Variants in AKR1D1 observed in about 807,000 individuals in gnomAD.
AKR1D1 encodes the protein delta(4)-3-ketosteroid 5-beta-reductase.
Under a neutral mutation model 42.6 loss-of-function variants are expected in AKR1D1, and 32 were observed. That is an observed-to-expected ratio of 0.75 (90% CI 0.57 to 1.01). AKR1D1 has a LOEUF of 1.01. Ranked by LOEUF, AKR1D1 falls within the 50% of genes least tolerant of loss-of-function variation. The probability of loss-of-function intolerance (pLI) is 0.00; values close to 1 mark genes in which losing one functional copy is unlikely to be tolerated. For synonymous variants in AKR1D1, 123 were observed against 135.5 expected (o/e 0.91, Z 0.64); for missense variants, 364 against 402.2 (o/e 0.91, Z 0.81).
At chr7:138,105,879 C>A (rs1794414181) in intron 5 of AKR1D1, among the ~76,000 whole-genome samples, 1 of 150,760 alleles carries the variant, frequency 6.6e-6, no homozygotes, top group Non-Finnish European at 1.5e-5. Flanking sequence ...AGTGTGACTT[C>A]GTCTAACAAC....
intron 7 of AKR1D1, among the ~76,000 whole-genome samples, chr7:138,112,001 C>T (rs1317884461): frequency 2.0e-5 from 3 of 151,942 alleles, no homozygotes; most frequent in African/African-American, 7.3e-5. Flanking sequence ...TCAAGTCACA[C>T]TCTTTTGACA....
At chr7:138,091,334 C>T in intron 2 of AKR1D1, 1 of 237,370 alleles carries the variant, frequency 4.2e-6, no homozygotes, top group South Asian at 5.8e-5. Flanking sequence ...AAGCTGCACT[C>T]TCAGTGGAAG....
rs1872929 is a variant in AKR1D1, at chr7:138,116,667, A to C, written c.*5A>C. The C allele has an allele frequency of 0.79, 1,274,975 of 1,613,284 alleles. 505,334 individuals carry two copies. The highest frequency in any genetic ancestry group is 0.88 in the African/African-American group (65,819 of 74,972). ...CCATTTCATGATGAATACTGACTGCAGGGAGTTCCTGAACAGATTTTTCAC... is the reference window on the plus strand; with the variant it reads ...CCATTTCATGATGAATACTGACTGCCGGGAGTTCCTGAACAGATTTTTCAC... On this transcript the variant is annotated 3_prime_UTR_variant, in exon 9 of 9. Coordinates refer to ENST00000242375, the MANE Select transcript of AKR1D1 (RefSeq NM_005989.4).
chr7:138,109,217 A>G (rs1011378824), intron 7 of AKR1D1, among the ~76,000 whole-genome samples: 1 of 152,242 alleles, frequency 6.6e-6, no homozygotes, highest in Non-Finnish European at 1.5e-5. Context: ...CTTTTTTGCT[A>G]CATGATAGAA....
rs950004598 is a variant in AKR1D1 at position 138,107,736 on chromosome 7, T to C, written c.855+156T>C. 2.0e-5 allele frequency among the ~76,000 whole-genome samples: 3 copies of C among 152,334 alleles called. No homozygotes were observed. In the East Asian group the frequency reaches 5.8e-4, roughly 29 times the overall value. On this transcript the variant is annotated intron_variant, in intron 7 of 8. Coordinates refer to ENST00000242375, the MANE Select transcript of AKR1D1 (RefSeq NM_005989.4). Reference sequence around the variant, plus strand: ...TGTAGCCCATATCTAGGTTTAATTTTCATTCAATTTGAGACAATTGCTAGT... The same window carrying C: ...TGTAGCCCATATCTAGGTTTAATTTCCATTCAATTTGAGACAATTGCTAGT...
chr7:138,101,089 T>C (rs1438671636), intron 4 of AKR1D1, among the ~76,000 whole-genome samples: 2 of 151,960 alleles, frequency 1.3e-5, no homozygotes, highest in African/African-American at 2.4e-5. Context: ...ATTTAAACAT[T>C]ATCAACCTTC....
chr7:138,088,597 T>C lies in AKR1D1; in HGVS notation c.94-4T>C, dbSNP rs1276871855. On this transcript the variant is annotated splice_region_variant and splice_polypyrimidine_tract_variant and intron_variant, in intron 1 of 8. Coordinates refer to ENST00000242375, the MANE Select transcript of AKR1D1 (RefSeq NM_005989.4). Reference sequence around the variant, plus strand: ...CCCCAAACCCAACCTCTTTGTCACTTCAGACCCCTAAGGGAGCCTGTGCAA... The same window carrying C: ...CCCCAAACCCAACCTCTTTGTCACTCCAGACCCCTAAGGGAGCCTGTGCAA... The C allele has an allele frequency of 3.1e-6, 5 of 1,614,152 alleles. No homozygotes were observed. In the South Asian group the frequency reaches 5.5e-5, roughly 18 times the overall value.
Position 138,105,444 on chromosome 7 carries a change from C to T in AKR1D1, c.579+15C>T, listed in dbSNP as rs1562937227. 1 of 1,613,702 alleles carries T rather than the reference C, an allele frequency of 6.2e-7. No individual in the cohort carries two copies. The highest frequency in any genetic ancestry group is 8.5e-7 in the Non-Finnish European group (1 of 1,179,986). On this transcript the variant is annotated intron_variant, in intron 5 of 8. Coordinates refer to ENST00000242375, the MANE Select transcript of AKR1D1 (RefSeq NM_005989.4). ...TCAGCAACCAGGTACAGCCTAATAG[C>T]TTCCACTAGGGTGTGGGGAGTGGGG...
In AKR1D1 at chr7:138,091,753, CTT is replaced by C. The variant is rs746120690; in HGVS notation, c.262-13_262-12del. 9 of 1,577,022 alleles carry C rather than the reference CTT, an allele frequency of 5.7e-6. No homozygotes were observed. Among genetic ancestry groups the C allele is most frequent in the Non-Finnish European group, 7.9e-6 (9 of 1,146,386 alleles). On this transcript the variant is annotated splice_polypyrimidine_tract_variant and intron_variant, in intron 2 of 8. Coordinates refer to ENST00000242375, the MANE Select transcript of AKR1D1 (RefSeq NM_005989.4). ...GTGTAGACATTAGTTAATTCTCCCT[CTT>C]TGATTCTTTCAGCTATGGGCTACAA...
intron 1 of AKR1D1, among the ~76,000 whole-genome samples, chr7:138,084,124 T>A (rs572452071): frequency 6.6e-6 from 1 of 152,236 alleles, no homozygotes; most frequent in South Asian, 2.1e-4. Flanking sequence ...GGAGTTTTTT[T>A]ACTTTCCTTT....
In AKR1D1 at chr7:138,116,606, A is replaced by T; in HGVS notation, c.939-14A>T. 1 of 1,613,860 alleles carries T rather than the reference A, an allele frequency of 6.2e-7. No homozygotes were observed. Among genetic ancestry groups the T allele is most frequent in the Non-Finnish European group, 8.5e-7 (1 of 1,179,968 alleles). Reference sequence around the variant, plus strand: ...TTGAGTGAACTTTTTTCTGTGGGGGAATTGTTTTGGCAGGTGGCGCGATCA... The same window carrying T: ...TTGAGTGAACTTTTTTCTGTGGGGGTATTGTTTTGGCAGGTGGCGCGATCA... On this transcript the variant is annotated splice_polypyrimidine_tract_variant and intron_variant, in intron 8 of 8. Transcript: ENST00000242375.
At chr7:138,101,377 T>C (rs920890137) in intron 4 of AKR1D1, among the ~76,000 whole-genome samples, 9 of 152,018 alleles carry the variant, frequency 5.9e-5, no homozygotes, top group Non-Finnish European at 1.3e-4. Context: ...TTTTTGTATT[T>C]TTAGTAGACA....
chr7:138,077,679 CAT>C (rs778206258), intron 1 of AKR1D1, among the ~76,000 whole-genome samples: 2 of 152,160 alleles, frequency 1.3e-5, no homozygotes, highest in Admixed American at 6.5e-5. Flanking sequence ...TAAATAGTGA[CAT>C]GTGTAGAAAT....
Position 138,091,681 on chromosome 7 carries a change from G to T in AKR1D1, c.262-87G>T, listed in dbSNP as rs572963649. On this transcript the variant is annotated intron_variant, in intron 2 of 8. Transcript: ENST00000242375. The stretch of plus-strand genomic sequence containing the variant: ...CCCCCATCTCAAAAAAAAAAAATGT[G>T]TACGAGTGTTTTACAAAGAAAAAGG... The T allele has an allele frequency of 3.9e-6, 4 of 1,037,500 alleles. No individual in the cohort carries two copies. The African/African-American group carries it at 4.8e-5, about 12-fold the overall frequency. The allele number at this position is 1,037,500 out of a possible 1,614,324, so 64.3% of individuals were successfully genotyped here.
intron 3 of AKR1D1, among the ~76,000 whole-genome samples, chr7:138,093,337 G>T (rs1336445857): frequency 6.6e-6 from 1 of 152,092 alleles, no homozygotes; most frequent in Non-Finnish European, 1.5e-5. Context: ...AAAGTGTTGG[G>T]ATTAATTACT....
intron 4 of AKR1D1, among the ~76,000 whole-genome samples, chr7:138,103,746 G>A (rs6980334): frequency 0.77 from 116,709 of 152,102 alleles, 45,126 homozygotes; most frequent in African/African-American, 0.85. Context: ...AGTTGTGCGT[G>A]AAGATGAAAG....
chr7:138,080,167 T>C (rs1040748149), intron 1 of AKR1D1, among the ~76,000 whole-genome samples: 1 of 152,190 alleles, frequency 6.6e-6, no homozygotes, highest in Non-Finnish European at 1.5e-5. Context: ...TCTTAATGCT[T>C]TTCCTAGTAT....
At chr7:138,104,682 G>GA (rs35063839) in intron 4 of AKR1D1, among the ~76,000 whole-genome samples, 87,997 of 131,712 alleles carry the variant, frequency 0.67, 28,970 homozygotes, top group South Asian at 0.74. Flanking sequence ...CTCCATCTCG[G>GA]AAAAAAAAAA....
At position 138,097,665 on chromosome 7, in the gene AKR1D1, C is replaced by T. The variant is rs1426846953; in HGVS notation, c.379-201C>T. ...GAGTGAGAGGACAGTGCACACAAGA[C>T]AGGTACTGGCATCCCAGGAAGCATG... is the stretch of plus-strand genomic sequence containing the variant. On this transcript the variant is annotated intron_variant, in intron 3 of 8. Transcript: ENST00000242375. Among the ~76,000 whole-genome samples, 5 of 152,192 alleles carry T rather than the reference C, an allele frequency of 3.3e-5. No homozygotes were observed. The East Asian group carries it at 9.6e-4, about 29-fold the overall frequency.
Sources: gnomAD v4.1 joint callset for allele counts (sites outside exome capture counted in the v4.1 genomes callset) on GRCh38, gnomAD v4.1.1 for gene constraint, MANE v1.5 for transcripts, NCBI Gene and HGNC (gene_info 2026-07-23, HGNC 2026-07-21) for gene names.